The following TENM3 variants were observed in gnomAD, a reference collection of about 807,000 sequenced individuals.
The protein encoded by TENM3 is teneurin-3.
In TENM3, 63 loss-of-function variants were observed where a neutral mutation model predicts 255.1. The observed-to-expected ratio is 0.25, with a 90% CI of 0.20 to 0.30. TENM3 has a LOEUF of 0.30. Among genes scored for constraint, TENM3 ranks in the 10% least tolerant of loss-of-function variants. TENM3 has a pLI of 1.00. For missense variants in TENM3, 2,929 were observed against 3,461.1 expected (o/e 0.85, Z 3.86); for synonymous variants, 1,306 against 1,322.3 (o/e 0.99, Z 0.27).
At chr4:182,189,015 G>A (rs1753341586) in intron 1 of TENM3, among the ~76,000 whole-genome samples, 1 of 151,994 alleles carries the variant, frequency 6.6e-6, no homozygotes, top group African/African-American at 2.4e-5. Context: ...GCCTTTAAAA[G>A]CTGTAAGACT....
At chr4:181,571,363 G>T in the TENM3 span, among the ~76,000 whole-genome samples, 59 of 152,136 alleles carry the variant, frequency 3.9e-4, 1 homozygote, top group Admixed American at 3.7e-3. Flanking sequence ...TAAAGACAGG[G>T]TCTCACTCTG....
At chr4:182,374,940 G>A (rs1362271257) in intron 3 of TENM3, among the ~76,000 whole-genome samples, 1 of 152,038 alleles carries the variant, frequency 6.6e-6, no homozygotes, top group Admixed American at 6.5e-5. Context: ...TGAAGACATT[G>A]TAATGGAGTC....
the TENM3 span, among the ~76,000 whole-genome samples, chr4:181,777,940 C>T: frequency 1.3e-5 from 2 of 152,012 alleles, no homozygotes; most frequent in Non-Finnish European, 2.9e-5. Flanking sequence ...TAGTTTGAGA[C>T]AGGAGACTTA....
chr4:182,188,307 T>A (rs1467724616), intron 1 of TENM3, among the ~76,000 whole-genome samples: 1 of 152,142 alleles, frequency 6.6e-6, no homozygotes, highest in African/African-American at 2.4e-5. Flanking sequence ...TTTCCATATC[T>A]GTAGATGAGA....
the TENM3 span, among the ~76,000 whole-genome samples, chr4:181,500,385 G>A: frequency 1.3e-5 from 2 of 151,986 alleles, no homozygotes; most frequent in African/African-American, 2.4e-5. Context: ...CCCTGACCGG[G>A]GGATCGGGGG....
intron 11 of TENM3, among the ~76,000 whole-genome samples, chr4:182,684,526 T>C (rs536123732): frequency 1.3e-5 from 2 of 152,040 alleles, no homozygotes; most frequent in East Asian, 3.9e-4. Context: ...TCTGTTTCTT[T>C]ATATGTAAAA....
chr4:181,737,527 A>G, the TENM3 span, among the ~76,000 whole-genome samples: 3 of 152,074 alleles, frequency 2.0e-5, no homozygotes, highest in African/African-American at 7.2e-5. Context: ...GACCATATGT[A>G]ACTTCTTCAG....
rs550059925 is a variant in TENM3 at position 182,325,320 on chromosome 4, C to T, written c.232+1068C>T. Among the ~76,000 whole-genome samples, 4 of 152,276 alleles carry T rather than the reference C, an allele frequency of 2.6e-5. No individual in the cohort carries two copies. The South Asian group carries it at 8.3e-4, about 32-fold the overall frequency. ...AAATTTTCCATGGTTCTTTTCTTCCCTGCATTGTGCAAAGAGCCATTGTAA... is the reference window on the plus strand; with the variant it reads ...AAATTTTCCATGGTTCTTTTCTTCCTTGCATTGTGCAAAGAGCCATTGTAA... On this transcript the variant is annotated intron_variant, in intron 2 of 27. Coordinates refer to ENST00000511685, the MANE Select transcript of TENM3 (RefSeq NM_001080477.4).
chr4:182,013,785 TTCTC>T, the TENM3 span, among the ~76,000 whole-genome samples: 2 of 151,904 alleles, frequency 1.3e-5, no homozygotes, highest in South Asian at 4.1e-4. Context: ...GACATAATCT[TTCTC>T]TGTGAGTAAA....
At chr4:182,397,926 A>G (rs1272897258) in intron 3 of TENM3, among the ~76,000 whole-genome samples, 1 of 152,176 alleles carries the variant, frequency 6.6e-6, no homozygotes, top group Non-Finnish European at 1.5e-5. Context: ...CCTAGGTTAG[A>G]CGCAGTGGTG....
chr4:182,457,556 A>ATTT (rs1313518502), intron 3 of TENM3, among the ~76,000 whole-genome samples: 6 of 38,984 alleles, frequency 1.5e-4, no homozygotes, highest in African/African-American at 3.7e-4. Context: ...AATCATGTAT[A>ATTT]TCTTTTTTTT....
intron 1 of TENM3, among the ~76,000 whole-genome samples, chr4:182,204,161 T>A (rs1033651253): frequency 6.6e-6 from 1 of 152,186 alleles, no homozygotes; most frequent in African/African-American, 2.4e-5. Context: ...TGAGGCTCAT[T>A]ATGATTACGA....
At chr4:182,651,916 A>G (rs555570459) in intron 5 of TENM3, among the ~76,000 whole-genome samples, 18 of 152,206 alleles carry the variant, frequency 1.2e-4, no homozygotes, top group Non-Finnish European at 2.5e-4. Flanking sequence ...AAATTTTTAA[A>G]GTTTAGTTAA....
At chr4:181,809,763 A>T in the TENM3 span, among the ~76,000 whole-genome samples, 1 of 152,158 alleles carries the variant, frequency 6.6e-6, no homozygotes, top group Non-Finnish European at 1.5e-5. Flanking sequence ...CACTGTAATC[A>T]CAAGGGTCCT....
the TENM3 span, among the ~76,000 whole-genome samples, chr4:181,507,459 T>G: frequency 6.6e-6 from 1 of 152,226 alleles, no homozygotes; most frequent in Non-Finnish European, 1.5e-5. Context: ...TAAACACAGA[T>G]GGAGCTTTTT....
At chr4:181,966,952 CCTT>C in the TENM3 span, among the ~76,000 whole-genome samples, 4 of 152,086 alleles carry the variant, frequency 2.6e-5, no homozygotes, top group South Asian at 8.3e-4. Flanking sequence ...CTCTCTTCCT[CCTT>C]CTTCTCTCCC....
rs1762660845 is a variant in TENM3 at position 182,755,438 on chromosome 4, A to T, written c.4892+179A>T. 1.0e-5 allele frequency: 6 copies of T among 585,076 alleles called. 1 individual carries two copies. In the South Asian group the frequency reaches 1.2e-4, roughly 12 times the overall value. The allele number at this position is 585,076 out of a possible 1,614,324, so 36.2% of individuals were successfully genotyped here. ...ATTCCCGTAGTCTCAGCTCCTGGGG[A>T]GGCTGAGACGGGAGGATTGCTTGAG... On this transcript the variant is annotated intron_variant, in intron 22 of 27. Coordinates refer to ENST00000511685, the MANE Select transcript of TENM3 (RefSeq NM_001080477.4).
chr4:182,103,126 A>C, the TENM3 span, among the ~76,000 whole-genome samples: 2 of 152,240 alleles, frequency 1.3e-5, no homozygotes, highest in East Asian at 1.9e-4. Context: ...ATTACACTAA[A>C]CTGGCATTTA....
chr4:181,908,165 G>A, the TENM3 span, among the ~76,000 whole-genome samples: 1 of 151,940 alleles, frequency 6.6e-6, no homozygotes, highest in East Asian at 1.9e-4. Context: ...AAAATCAGTT[G>A]ATTCTTAGGT....
Sources: gnomAD v4.1 joint callset for allele counts (sites outside exome capture counted in the v4.1 genomes callset) on GRCh38, gnomAD v4.1.1 for gene constraint, MANE v1.5 for transcripts, NCBI Gene and HGNC (gene_info 2026-07-23, HGNC 2026-07-21) for gene names.